Variants in TRAPPC8 observed in about 807,000 individuals in gnomAD.
TRAPPC8 encodes the protein general sporulation gene 1 homolog.
In TRAPPC8, 54 loss-of-function variants were observed where a neutral mutation model predicts 174.3. The ratio of observed to expected loss-of-function variants is 0.31; its 90% confidence interval spans 0.25 to 0.39. TRAPPC8 has a LOEUF of 0.39. Ranked by LOEUF, TRAPPC8 falls within the 10% of genes least tolerant of loss-of-function variation. The pLI is 1.00. For missense variants in TRAPPC8, 1,531 were observed against 1,699.1 expected (o/e 0.90, Z 1.74); for synonymous variants, 630 against 579.9 (o/e 1.09, Z -1.24).
intron 2 of TRAPPC8, among the ~76,000 whole-genome samples, chr18:31,923,760 A>C (rs1256424257): frequency 7.9e-5 from 12 of 152,044 alleles, no homozygotes; most frequent in Admixed American, 7.9e-4. Context: ...AAAAAAAAAA[A>C]AACTGTTTTC....
At chr18:31,859,710 A>C (rs927578284) in intron 19 of TRAPPC8, among the ~76,000 whole-genome samples, 4 of 152,182 alleles carry the variant, frequency 2.6e-5, no homozygotes, top group Middle Eastern at 3.2e-3. Context: ...AGGTTTACTA[A>C]ATACACTATT....
At position 31,900,908 on chromosome 18, in the gene TRAPPC8, CTTAT is replaced by C; in HGVS notation, c.1490+13_1490+16del. The C allele has an allele frequency of 6.6e-7, 1 of 1,508,100 alleles. No individual in the cohort carries two copies. Among genetic ancestry groups the C allele is most frequent in the Non-Finnish European group, 9.0e-7 (1 of 1,112,366 alleles). 93.4% of individuals were successfully genotyped at this position (1,508,100 alleles called of 1,614,324 possible). A position where few individuals can be genotyped will look rare whatever the true frequency, so the allele number is the denominator to read the frequency against. On this transcript the variant is annotated intron_variant, in intron 10 of 28. Transcript: ENST00000283351. ...ACCTTTAACTGGATACAATATAAAT[CTTAT>C]ATAGTCACCTACTTGCAGATATCTC...
chr18:31,905,384 A>G (rs963613226), intron 9 of TRAPPC8, among the ~76,000 whole-genome samples: 32 of 152,224 alleles, frequency 2.1e-4, no homozygotes, highest in African/African-American at 6.7e-4. Flanking sequence ...GAATGCCTAC[A>G]CTTTGGTGCA....
intron 12 of TRAPPC8, among the ~76,000 whole-genome samples, chr18:31,886,476 C>T (rs1183240122): frequency 6.6e-6 from 1 of 151,488 alleles, no homozygotes; most frequent in Non-Finnish European, 1.5e-5. Context: ...CGAATGTGTT[C>T]AAGTGGATTT....
chr18:31,897,367 A>G (rs562910907), intron 11 of TRAPPC8, among the ~76,000 whole-genome samples: 3 of 152,340 alleles, frequency 2.0e-5, no homozygotes, highest in Non-Finnish European at 4.4e-5. Flanking sequence ...GTAAAACTAA[A>G]AATTCCTCAG....
At chr18:31,837,090 A>T (rs983592841) in intron 27 of TRAPPC8, among the ~76,000 whole-genome samples, 7 of 152,002 alleles carry the variant, frequency 4.6e-5, no homozygotes, top group Non-Finnish European at 1.0e-4. Flanking sequence ...ACATTTCCCC[A>T]GGTGAACCCT....
chr18:31,915,347 G>A (rs2037085423), intron 4 of TRAPPC8, among the ~76,000 whole-genome samples: 1 of 151,578 alleles, frequency 6.6e-6, no homozygotes, highest in African/African-American at 2.4e-5. Context: ...TGTAATCCCA[G>A]CTACCCGGGA....
At chr18:31,849,471 G>T in intron 25 of TRAPPC8, 95 bp downstream of exon 25, 1 of 1,083,998 alleles carries the variant, frequency 9.2e-7, no homozygotes, top group Non-Finnish European at 1.2e-6. Context: ...GAAAAGATAA[G>T]CATAAAAAAT....
intron 1 of TRAPPC8, among the ~76,000 whole-genome samples, chr18:31,942,064 G>C (rs1012334446): frequency 2.0e-5 from 3 of 152,172 alleles, no homozygotes; most frequent in Non-Finnish European, 2.9e-5. Context: ...TTTCTTGAGA[G>C]GTTAAGCAAA....
At chr18:31,853,090 T>C (rs563595741) in intron 22 of TRAPPC8, among the ~76,000 whole-genome samples, 6 of 152,330 alleles carry the variant, frequency 3.9e-5, no homozygotes, top group African/African-American at 1.2e-4. Context: ...TTTAAAATGG[T>C]ACTTTAAGTA....
intron 9 of TRAPPC8, among the ~76,000 whole-genome samples, chr18:31,905,207 T>A (rs546734179): frequency 7.0e-4 from 107 of 152,288 alleles, no homozygotes; most frequent in Middle Eastern, 3.4e-3. Context: ...ATGTGAATGG[T>A]AAGGGAAGTG....
Position 31,830,707 on chromosome 18 carries a change from T to A in TRAPPC8, c.*48A>T. ...ATATCAAATACTGCTGTAAAACCCA[T>A]CCAGCAAAAACTGATTATTGTGGAT... On this transcript the variant is annotated 3_prime_UTR_variant, in exon 29 of 29. Transcript: ENST00000283351. 1 of 1,536,930 alleles carries A rather than the reference T, an allele frequency of 6.5e-7. No individual in the cohort carries two copies. Among genetic ancestry groups the A allele is most frequent in the Non-Finnish European group, 8.9e-7 (1 of 1,123,788 alleles).
chr18:31,921,518 A>AG (rs1361274148), intron 2 of TRAPPC8, among the ~76,000 whole-genome samples: 1 of 151,474 alleles, frequency 6.6e-6, no homozygotes, highest in East Asian at 1.9e-4. Context: ...TCGGAGGCTG[A>AG]GGCAAGAGAA....
chr18:31,888,187 G>A (rs1040448684), intron 12 of TRAPPC8, among the ~76,000 whole-genome samples: 1 of 152,086 alleles, frequency 6.6e-6, no homozygotes, highest in South Asian at 2.1e-4. Flanking sequence ...TTAGAGAAAC[G>A]CAAATCAAAA....
chr18:31,874,770 C>G, intron 12 of TRAPPC8, 66 bp from the exon 13 acceptor site: 1 of 1,319,412 alleles, frequency 7.6e-7, no homozygotes, highest in Non-Finnish European at 1.0e-6. Context: ...AAAACAAATA[C>G]AAACACACAC....
chr18:31,915,623 G>A lies in TRAPPC8; in HGVS notation c.617+649C>T, dbSNP rs553968603. ...TAAAAATACAAAAATGAAGCCGGGCGTGGTGGCTCACGCCTGTAATCCCAG... is the reference window on the plus strand; with the variant it reads ...TAAAAATACAAAAATGAAGCCGGGCATGGTGGCTCACGCCTGTAATCCCAG... On this transcript the variant is annotated intron_variant, in intron 4 of 28. Transcript: ENST00000283351. 6.6e-5 allele frequency among the ~76,000 whole-genome samples: 10 copies of A among 152,206 alleles called. No homozygotes were observed. In the East Asian group the frequency reaches 7.7e-4, roughly 12 times the overall value.
chr18:31,853,344 T>G (rs1416430767), intron 22 of TRAPPC8, among the ~76,000 whole-genome samples: 1 of 152,230 alleles, frequency 6.6e-6, no homozygotes, highest in Non-Finnish European at 1.5e-5. Flanking sequence ...CTTAGCTCAC[T>G]GCACCCTCTG....
chr18:31,856,209 C>T (rs1475135862), intron 20 of TRAPPC8, among the ~76,000 whole-genome samples: 1 of 151,974 alleles, frequency 6.6e-6, no homozygotes, highest in African/African-American at 2.4e-5. Flanking sequence ...CCAGATCAAG[C>T]GATTCTCCTG....
At chr18:31,902,661 G>A (rs8089228) in intron 9 of TRAPPC8, among the ~76,000 whole-genome samples, 151,661 of 152,278 alleles carry the variant, frequency 1, 75,526 homozygotes, top group East Asian at 1. Context: ...CATAACCAGC[G>A]TGTTAGGTTG....
Sources: gnomAD v4.1 joint callset for allele counts (sites outside exome capture counted in the v4.1 genomes callset) on GRCh38, gnomAD v4.1.1 for gene constraint, MANE v1.5 for transcripts, NCBI Gene and HGNC (gene_info 2026-07-23, HGNC 2026-07-21) for gene names.